Variants in GRAMD1B observed in about 807,000 individuals in gnomAD.
GRAMD1B encodes GRAM domain containing 1B.
Under a neutral mutation model 99.7 loss-of-function variants are expected in GRAMD1B, and 37 were observed. The ratio of observed to expected loss-of-function variants is 0.37; its 90% CI spans 0.29 to 0.49. The LOEUF is 0.49. Ranked by LOEUF, GRAMD1B falls within the 20% of genes least tolerant of loss-of-function variation. The pLI is 0.98. For missense variants in GRAMD1B, 888 were observed against 1,009.2 expected (o/e 0.88, Z 1.63); for synonymous variants, 427 against 387.6 (o/e 1.10, Z -1.19).
chr11:123,487,136 CAT>C (rs1937915002), intron 2 of GRAMD1B, among the ~76,000 whole-genome samples: 1 of 152,224 alleles, frequency 6.6e-6, no homozygotes, highest in Non-Finnish European at 1.5e-5. Context: ...ATAAACCTTG[CAT>C]ACATTTTTAA....
intron 1 of GRAMD1B, among the ~76,000 whole-genome samples, chr11:123,422,236 C>T (rs780579502): frequency 1.2e-4 from 18 of 152,128 alleles, no homozygotes; most frequent in South Asian, 2.1e-4. Flanking sequence ...GTAGAGGAAA[C>T]GGACTATTCC....
chr11:123,429,323 G>A (rs1010915912), upstream of GRAMD1B, among the ~76,000 whole-genome samples: 22 of 152,158 alleles, frequency 1.4e-4, no homozygotes, highest in African/African-American at 5.3e-4. The surrounding 1 kb of genome is among the most constrained non-coding windows in gnomAD (Gnocchi z 4.0). Context: ...TGCCCACAGA[G>A]AGCACCTAAA....
chr11:123,508,744 G>A (rs911842780), intron 2 of GRAMD1B, among the ~76,000 whole-genome samples: 1 of 151,580 alleles, frequency 6.6e-6, no homozygotes, highest in Non-Finnish European at 1.5e-5. Context: ...GGAGTGCAAT[G>A]GCATGGTCTT....
Position 123,552,431 on chromosome 11 carries a change from C to T in GRAMD1B, c.453-24936C>T, listed in dbSNP as rs1378160150. ...CTGGGATTACAGGGGTGCATCACCACGCCCAGCTAATTTTTGTATTTTTAG... is the reference window on the plus strand; with the variant it reads ...CTGGGATTACAGGGGTGCATCACCATGCCCAGCTAATTTTTGTATTTTTAG... On this transcript the variant is annotated intron_variant, in intron 2 of 19. Coordinates refer to ENST00000635736, the MANE Select transcript of GRAMD1B (RefSeq NM_001387025.1). 4.6e-5 allele frequency among the ~76,000 whole-genome samples: 7 copies of T among 151,908 alleles called. No individual in the cohort carries two copies. The East Asian group carries it at 5.8e-4, about 13-fold the overall frequency.
At chr11:123,416,941 C>T (rs1289704570) in intron 1 of GRAMD1B, among the ~76,000 whole-genome samples, 3 of 152,204 alleles carry the variant, frequency 2.0e-5, no homozygotes, top group African/African-American at 4.8e-5. Flanking sequence ...GATGAATGAA[C>T]TTGCTAATAA....
At chr11:123,478,409 G>A (rs1424875177) in intron 1 of GRAMD1B, among the ~76,000 whole-genome samples, 3 of 152,216 alleles carry the variant, frequency 2.0e-5, no homozygotes, top group Non-Finnish European at 1.5e-5. Context: ...ATATTTATTT[G>A]AAACCAATAC....
chr11:123,453,155 C>T (rs1043150526), intron 1 of GRAMD1B, among the ~76,000 whole-genome samples: 1 of 152,002 alleles, frequency 6.6e-6, no homozygotes, highest in South Asian at 2.1e-4. Flanking sequence ...TAGGAAGAAA[C>T]AATTGTCAGT....
intron 2 of GRAMD1B, among the ~76,000 whole-genome samples, chr11:123,528,493 T>C (rs1160167463): frequency 6.6e-6 from 1 of 152,132 alleles, no homozygotes; most frequent in East Asian, 1.9e-4. Context: ...AGTGTTATGA[T>C]AAGAATCCCC....
chr11:123,593,006 T>G (rs1950849146), intron 4 of GRAMD1B, among the ~76,000 whole-genome samples: 1 of 151,908 alleles, frequency 6.6e-6, no homozygotes. Flanking sequence ...CCGAGGTGGG[T>G]GGATCACTTG....
intron 1 of GRAMD1B, among the ~76,000 whole-genome samples, chr11:123,395,055 G>A (rs927349442): frequency 9.2e-5 from 14 of 152,026 alleles, no homozygotes; most frequent in Admixed American, 6.6e-4. Context: ...ATTTTGGAGG[G>A]GCCAAACATT....
intron 1 of GRAMD1B, among the ~76,000 whole-genome samples, chr11:123,389,927 T>C (rs1947212181): frequency 6.6e-6 from 1 of 152,052 alleles, no homozygotes; most frequent in Non-Finnish European, 1.5e-5. Flanking sequence ...GCTAATGTTT[T>C]CCCATTTTTA....
At chr11:123,559,578 G>A in intron 2 of GRAMD1B, 1 of 607,536 alleles carries the variant, frequency 1.6e-6, no homozygotes, top group Non-Finnish European at 2.1e-6. Flanking sequence ...TTTCCTCTGG[G>A]GGCTGTCTGA....
intron 5 of GRAMD1B, 141 bp downstream of exon 5, chr11:123,594,307 C>A (rs1478591330): frequency 4.5e-6 from 3 of 669,630 alleles, no homozygotes; most frequent in Non-Finnish European, 8.1e-6. Flanking sequence ...GACCCCTGGC[C>A]CCAGCTGTCA....
In GRAMD1B at chr11:123,438,145, T is replaced by C. The variant is rs1949247824; in HGVS notation, c.374+6979T>C. ...ACCGGTCTTACTTTGTGCCAAGTTT[T>C]CTGCCAAGCAGCCTTAAATACATTA... On this transcript the variant is annotated intron_variant, in intron 1 of 19. Transcript: ENST00000635736. 2.0e-5 allele frequency among the ~76,000 whole-genome samples: 3 copies of C among 152,234 alleles called. No individual in the cohort carries two copies. The South Asian group carries it at 6.2e-4, about 32-fold the overall frequency.
intron 2 of GRAMD1B, among the ~76,000 whole-genome samples, chr11:123,507,868 G>A (rs776615552): frequency 6.6e-6 from 1 of 152,182 alleles, no homozygotes; most frequent in African/African-American, 2.4e-5. Flanking sequence ...AGATTGAGGA[G>A]GAAAATGTTA....
At chr11:123,516,942 C>T (rs188076418) in intron 2 of GRAMD1B, among the ~76,000 whole-genome samples, 17 of 152,272 alleles carry the variant, frequency 1.1e-4, no homozygotes, top group African/African-American at 3.6e-4. Flanking sequence ...GTTTTTGAGA[C>T]GGGGTCTTGC....
intron 2 of GRAMD1B, among the ~76,000 whole-genome samples, chr11:123,514,287 A>C (rs1591776640): frequency 6.6e-6 from 1 of 152,348 alleles, no homozygotes; most frequent in South Asian, 2.1e-4. Context: ...CAGGTGGACA[A>C]GAGAGGAAAG....
chr11:123,415,669 C>T (rs1948211439), intron 1 of GRAMD1B, among the ~76,000 whole-genome samples: 1 of 152,036 alleles, frequency 6.6e-6, no homozygotes, highest in South Asian at 2.1e-4. Context: ...ACACTCTTTT[C>T]CAAGCCACTC....
chr11:123,551,255 G>A (rs901321980), intron 2 of GRAMD1B, among the ~76,000 whole-genome samples: 3 of 152,140 alleles, frequency 2.0e-5, no homozygotes, highest in Non-Finnish European at 2.9e-5. Context: ...TTTTGGGCGA[G>A]GCTGCTTCCT....
Sources: gnomAD v4.1 joint callset for allele counts (sites outside exome capture counted in the v4.1 genomes callset) on GRCh38, gnomAD v4.1.1 for gene constraint, Gnocchi (gnomAD v3.1) non-coding constraint, MANE v1.5 for transcripts, NCBI Gene and HGNC (gene_info 2026-07-23, HGNC 2026-07-21) for gene names.